The following PCDHGA6 variants were observed in gnomAD, a reference collection of about 807,000 sequenced individuals.
The protein encoded by PCDHGA6 is protocadherin gamma subfamily A, 6, also known as protocadherin gamma-A6.
Under a neutral mutation model 60.6 loss-of-function variants are expected in PCDHGA6, and 41 were observed. The observed-to-expected ratio is 0.68, with a 90% CI of 0.53 to 0.88. PCDHGA6 has a LOEUF of 0.88. Ranked by LOEUF, PCDHGA6 falls within the 40% of genes least tolerant of loss-of-function variation. The probability of loss-of-function intolerance (pLI) is 0.00; values close to 1 mark genes in which losing one functional copy is unlikely to be tolerated. For synonymous variants in PCDHGA6, 594 were observed against 524.4 expected, an observed-to-expected ratio of 1.13 and a Z score of -1.81; for missense variants, 1,312 against 1,203.0, an observed-to-expected ratio of 1.09 and a Z score of -1.34.
intron 2 of PCDHGA6, among the ~76,000 whole-genome samples, chr5:141,502,109 C>G (rs2099812899): frequency 1.3e-5 from 2 of 152,182 alleles, no homozygotes; most frequent in Admixed American, 1.3e-4. Flanking sequence ...ACCCTGCACC[C>G]TCAGCCAGGC....
rs756237595 is a variant in PCDHGA6, at chr5:141,398,946, C to T, written c.2424+22439C>T. The T allele has an allele frequency of 1.9e-6, 3 of 1,613,830 alleles. No individual in the cohort carries two copies. The Admixed American group carries it at 5.0e-5, about 27-fold the overall frequency. ...CAGCCACTGACCAAGACGAGGGCAT[C>T]AACTCAGAAATTACTTATTCCTTCT... On this transcript the variant is annotated intron_variant, in intron 1 of 3. Coordinates refer to ENST00000517434, the MANE Select transcript of PCDHGA6 (RefSeq NM_018919.3).
chr5:141,487,006 G>A lies in PCDHGA6; in HGVS notation c.2425-7801G>A. ...ATGCTTGGGTTTCCTATCAGCTCCT[G>A]GAGGCCCCAGATCCCAGCCTGTTTG... On this transcript the variant is annotated intron_variant, in intron 1 of 3. Transcript: ENST00000517434. This position sits in a 1 kb window ranked among gnomAD's most constrained non-coding sequence, Gnocchi z 5.0. 1 of 1,614,206 alleles carries A rather than the reference G, an allele frequency of 6.2e-7. No homozygotes were observed. The highest frequency in any genetic ancestry group is 8.5e-7 in the Non-Finnish European group (1 of 1,180,042).
chr5:141,393,430 C>T, intron 1 of PCDHGA6: 1 of 1,614,040 alleles, frequency 6.2e-7, no homozygotes, highest in Non-Finnish European at 8.5e-7. Context: ...GAGGAAGAGG[C>T]TGCTCACCAC....
At chr5:141,428,437 C>A in intron 1 of PCDHGA6, 1 of 400,386 alleles carries the variant, frequency 2.5e-6, no homozygotes, top group South Asian at 2.4e-5. Flanking sequence ...TAAGACTAGA[C>A]CAGGGGTTTT....
At chr5:141,393,378 G>C in intron 1 of PCDHGA6, 1 of 1,613,982 alleles carries the variant, frequency 6.2e-7, no homozygotes, top group Non-Finnish European at 8.5e-7. Flanking sequence ...AGACAATGGA[G>C]CCATAAACCC....
At chr5:141,405,560 G>A in intron 1 of PCDHGA6, 1 of 613,636 alleles carries the variant, frequency 1.6e-6, no homozygotes, top group Non-Finnish European at 2.9e-6. Context: ...GAGTAGCTGG[G>A]ACTAGAGTAG....
At position 141,410,085 on chromosome 5, in the gene PCDHGA6, C is replaced by G; in HGVS notation, c.2424+33578C>G. 3 of 1,612,476 alleles carry G rather than the reference C, an allele frequency of 1.9e-6. No homozygotes were observed. In the South Asian group the frequency reaches 3.3e-5, roughly 18 times the overall value. On this transcript the variant is annotated intron_variant, in intron 1 of 3. Transcript: ENST00000517434. Reference sequence around the variant, plus strand: ...GGGCTGCGCACTGGGGAGGTGCGCACGGCTCGAGCCTTAGGCGACAGGGAC... The same window carrying G: ...GGGCTGCGCACTGGGGAGGTGCGCAGGGCTCGAGCCTTAGGCGACAGGGAC...
intron 2 of PCDHGA6, among the ~76,000 whole-genome samples, chr5:141,500,768 A>C (rs2099802446): frequency 6.6e-6 from 1 of 152,180 alleles, no homozygotes; most frequent in African/African-American, 2.4e-5. Flanking sequence ...AACTCCTCTT[A>C]TGAATATACA....
At chr5:141,451,193 A>T (rs2098710240) in intron 1 of PCDHGA6, among the ~76,000 whole-genome samples, 1 of 152,208 alleles carries the variant, frequency 6.6e-6, no homozygotes, top group Non-Finnish European at 1.5e-5. Context: ...TGTGTAACAA[A>T]TTATCCCAAA....
At chr5:141,473,167 C>T (rs1360150717) in intron 1 of PCDHGA6, among the ~76,000 whole-genome samples, 2 of 152,122 alleles carry the variant, frequency 1.3e-5, no homozygotes. Flanking sequence ...TAGGAAGGCC[C>T]ACTGGTAACT....
At chr5:141,448,394 T>C (rs1360417681) in intron 1 of PCDHGA6, among the ~76,000 whole-genome samples, 1 of 152,206 alleles carries the variant, frequency 6.6e-6, no homozygotes. Context: ...TACATTTACA[T>C]GGTTTTAAAA....
chr5:141,395,131 C>A, intron 1 of PCDHGA6: 12 of 1,614,202 alleles, frequency 7.4e-6, no homozygotes, highest in Non-Finnish European at 1.0e-5. Context: ...TTTCCCCAGC[C>A]CAACTACGCA....
intron 2 of PCDHGA6, among the ~76,000 whole-genome samples, chr5:141,505,069 G>A (rs2099843308): frequency 2.0e-5 from 3 of 152,340 alleles, no homozygotes; most frequent in East Asian, 1.9e-4. Flanking sequence ...GACTGAGGCA[G>A]GAGAATCGCT....
At chr5:141,479,358 GC>G (rs2154577546) in intron 1 of PCDHGA6, 1 of 152,584 alleles carries the variant, frequency 6.6e-6, no homozygotes, top group Non-Finnish European at 1.5e-5. Flanking sequence ...GCTGCTCAGT[GC>G]CTGAGGTGGG....
intron 1 of PCDHGA6, chr5:141,479,217 A>G (rs1433108919): frequency 1.3e-5 from 2 of 152,400 alleles, no homozygotes; most frequent in Non-Finnish European, 2.9e-5. Context: ...TTAAAAAATT[A>G]AAACTATAAT....
intron 1 of PCDHGA6, chr5:141,427,316 C>G: frequency 2.2e-6 from 1 of 457,002 alleles, no homozygotes; most frequent in Non-Finnish European, 4.4e-6. Context: ...ATGCCCCAGA[C>G]GTGGTTTTTA....
At chr5:141,484,876 A>C in intron 1 of PCDHGA6, 1 of 315,240 alleles carries the variant, frequency 3.2e-6, no homozygotes, top group Non-Finnish European at 5.8e-6. Flanking sequence ...CGTGGAGGAT[A>C]GGGTGGGCTT....
intron 1 of PCDHGA6, chr5:141,396,354 C>T (rs1285916157): frequency 6.6e-6 from 1 of 152,456 alleles, no homozygotes; most frequent in East Asian, 1.9e-4. Context: ...TGCGGTGGCT[C>T]ACGCCTGTAA....
intron 1 of PCDHGA6, chr5:141,411,407 A>G (rs2154543610): frequency 6.6e-6 from 1 of 151,868 alleles, no homozygotes; most frequent in East Asian, 1.9e-4. Context: ...CCCCATCTCT[A>G]CTAAAACAAC....
Sources: allele counts gnomAD v4.1 joint callset (sites outside exome capture counted in the v4.1 genomes callset), GRCh38; gene constraint gnomAD v4.1.1; non-coding constraint Gnocchi (gnomAD v3.1); transcripts MANE v1.5; gene names NCBI Gene and HGNC (gene_info 2026-07-23, HGNC 2026-07-21).